PRDM5: variants seen among roughly 807,000 people sequenced by gnomAD.
PRDM5 encodes the protein PR domain zinc finger protein 5.
A neutral mutation model predicts 81.2 loss-of-function variants in PRDM5; 56 were observed. The observed-to-expected ratio is 0.69, with a 90% confidence interval of 0.56 to 0.86. The LOEUF (loss-of-function observed/expected upper bound fraction) is 0.86, where lower values mean the gene tolerates loss of function less well. Among genes scored for constraint, PRDM5 ranks in the 40% least tolerant of loss-of-function variants. PRDM5 has a pLI of 0.00. For synonymous variants in PRDM5, 267 were observed against 256.4 expected, an observed-to-expected ratio of 1.04 and a Z score of -0.39; for missense variants, 697 against 770.1, an observed-to-expected ratio of 0.91 and a Z score of 1.12.
intron 3 of PRDM5, among the ~76,000 whole-genome samples, chr4:120,827,118 C>T (rs1270205997): frequency 2.6e-5 from 4 of 152,156 alleles, no homozygotes; most frequent in Non-Finnish European, 5.9e-5. Context: ...ACTCGCAAAG[C>T]CCTTCCTTCG....
At chr4:120,784,941 T>C (rs1749548822) in intron 11 of PRDM5, 57 bp downstream of exon 11, 2 of 1,398,362 alleles carry the variant, frequency 1.4e-6, no homozygotes, top group South Asian at 1.2e-5. Context: ...TCAAAGGTTA[T>C]AAAAACAAAG....
intron 8 of PRDM5, among the ~76,000 whole-genome samples, chr4:120,801,163 C>T (rs1424419329): frequency 2.6e-5 from 4 of 152,212 alleles, no homozygotes; most frequent in Admixed American, 6.5e-5. Flanking sequence ...GCTCACAATA[C>T]TAAACCCCAG....
At chr4:120,690,298 C>T (rs1261580780), downstream of PRDM5, among the ~76,000 whole-genome samples, 1 of 152,036 alleles carries the variant, frequency 6.6e-6, no homozygotes, top group Non-Finnish European at 1.5e-5. Flanking sequence ...ATACATGTGT[C>T]CAGATAAATT....
In PRDM5 at chr4:120,695,191, G is replaced by A; in HGVS notation, c.1813C>T (p.Gln605Ter). 6.2e-7 allele frequency: 1 copy of A among 1,613,586 alleles called. No homozygotes were observed. The highest frequency in any genetic ancestry group is 8.5e-7 in the Non-Finnish European group (1 of 1,179,614). The change falls in exon 16 of 16, where the codon CAG becomes TAG. Residue 605 changes from glutamine (Q) to a stop codon, truncating the protein, a stop_gained. Coordinates refer to ENST00000264808, the MANE Select transcript of PRDM5 (RefSeq NM_018699.4). LOFTEE classifies it high-confidence loss of function. Reference protein sequence around the residue: ...HNPNRPLAECQFCHKKFTRND... With the variant: ...HNPNRPLAEC ...CTTGTAAACTTCTTATGGCAAAACTGGCATTCTGCCAGGGGACGATTGGGA... is the reference window on the plus strand; with the variant it reads ...CTTGTAAACTTCTTATGGCAAAACTAGCATTCTGCCAGGGGACGATTGGGA...
At chr4:120,730,276 T>G (rs1363133537) in intron 14 of PRDM5, among the ~76,000 whole-genome samples, 2 of 152,194 alleles carry the variant, frequency 1.3e-5, no homozygotes, top group East Asian at 3.8e-4. Context: ...GCACATAATA[T>G]GAACACAATA....
intron 10 of PRDM5, among the ~76,000 whole-genome samples, chr4:120,797,177 G>A (rs1751457080): frequency 1.3e-5 from 2 of 152,126 alleles, no homozygotes; most frequent in Non-Finnish European, 2.9e-5. Context: ...TCACACAGAA[G>A]GCAGGCAAAT....
intron 2 of PRDM5, among the ~76,000 whole-genome samples, chr4:120,901,194 TA>T (rs1175032615): frequency 3.3e-5 from 5 of 152,240 alleles, no homozygotes; most frequent in Admixed American, 6.5e-5. Context: ...CCAAGAAGTA[TA>T]GACTGTACCC....
chr4:120,872,050 C>T lies in PRDM5; in HGVS notation c.178-18510G>A, dbSNP rs370219688. Among the ~76,000 whole-genome samples the T allele has an allele frequency of 2.7e-5, 4 of 148,668 alleles. No individual in the cohort carries two copies. The East Asian group carries it at 8.5e-4, about 31-fold the overall frequency. ...CCTGTAATCCCACCTACTCAGGAGGCTGAGAAAAGAGAATTGCTTGAACCC... is the reference window on the plus strand; with the variant it reads ...CCTGTAATCCCACCTACTCAGGAGGTTGAGAAAAGAGAATTGCTTGAACCC... On this transcript the variant is annotated intron_variant, in intron 2 of 15. Transcript: ENST00000264808.
At chr4:120,699,169 T>TAA (rs1734964010) in intron 15 of PRDM5, among the ~76,000 whole-genome samples, 3 of 29,678 alleles carry the variant, frequency 1.0e-4, no homozygotes, top group South Asian at 2.4e-3. Flanking sequence ...TAAATATATA[T>TAA]ATATATATAT....
intron 14 of PRDM5, among the ~76,000 whole-genome samples, chr4:120,718,030 T>C (rs1299573982): frequency 1.3e-5 from 2 of 152,150 alleles, no homozygotes; most frequent in African/African-American, 4.8e-5. Flanking sequence ...GCGAGGACTG[T>C]CAGAGCCTGT....
intron 7 of PRDM5, among the ~76,000 whole-genome samples, chr4:120,813,288 G>T (rs1421928435): frequency 6.6e-6 from 1 of 151,962 alleles, no homozygotes; most frequent in Non-Finnish European, 1.5e-5. Flanking sequence ...ACTTTTAATT[G>T]GTTTATTTCA....
At chr4:120,795,327 C>T (rs1429782347) in intron 10 of PRDM5, among the ~76,000 whole-genome samples, 1 of 152,070 alleles carries the variant, frequency 6.6e-6, no homozygotes, top group Non-Finnish European at 1.5e-5. Context: ...TTTTGCTTTG[C>T]ATTATATATG....
At chr4:120,864,316 C>G (rs1040828417) in intron 2 of PRDM5, among the ~76,000 whole-genome samples, 3 of 152,102 alleles carry the variant, frequency 2.0e-5, no homozygotes, top group Non-Finnish European at 2.9e-5. Context: ...GATCTACAGG[C>G]CTTGAACATA....
intron 14 of PRDM5, among the ~76,000 whole-genome samples, chr4:120,715,299 G>A (rs1032630396): frequency 1.3e-5 from 2 of 152,108 alleles, no homozygotes; most frequent in African/African-American, 4.8e-5. Context: ...ATTAATAAGT[G>A]CTCCTTATAG....
At chr4:120,753,978 C>T (rs1744359407) in intron 14 of PRDM5, among the ~76,000 whole-genome samples, 1 of 152,082 alleles carries the variant, frequency 6.6e-6, no homozygotes, top group African/African-American at 2.4e-5. Context: ...CTGGAAAAGG[C>T]ATAGATAACA....
At chr4:120,841,526 C>A (rs536163968) in intron 3 of PRDM5, among the ~76,000 whole-genome samples, 9 of 152,274 alleles carry the variant, frequency 5.9e-5, no homozygotes, top group African/African-American at 2.2e-4. Flanking sequence ...TGTTTATTGA[C>A]TTCTTTAATG....
chr4:120,853,394 C>CAAAT, intron 3 of PRDM5, 24 bp downstream of exon 3: 1 of 1,613,518 alleles, frequency 6.2e-7, no homozygotes, highest in Non-Finnish European at 8.5e-7. Flanking sequence ...GTGCATAGTA[C>CAAAT]AAATGAGAAG....
chr4:120,728,038 G>T (rs534323566), intron 14 of PRDM5, among the ~76,000 whole-genome samples: 1 of 152,120 alleles, frequency 6.6e-6, no homozygotes, highest in South Asian at 2.1e-4. Context: ...TAGATGAGTG[G>T]TTTATATCAC....
At chr4:120,795,309 T>G (rs1419563494) in intron 10 of PRDM5, among the ~76,000 whole-genome samples, 1 of 152,124 alleles carries the variant, frequency 6.6e-6, no homozygotes, top group Non-Finnish European at 1.5e-5. Flanking sequence ...CTGTACAACT[T>G]ACCCAAATTT....
Sources: allele counts gnomAD v4.1 joint callset (sites outside exome capture counted in the v4.1 genomes callset), GRCh38; gene constraint gnomAD v4.1.1; transcripts MANE v1.5; gene names NCBI Gene and HGNC (gene_info 2026-07-23, HGNC 2026-07-21).